Variants in NXPH2 observed in about 807,000 individuals in gnomAD.
NXPH2 encodes the protein neurexophilin-2.
In NXPH2, 5 loss-of-function variants were observed where a neutral mutation model predicts 19.8. The observed-to-expected ratio is 0.25, with a 90% CI of 0.13 to 0.53. The LOEUF (loss-of-function observed/expected upper bound fraction) is 0.53, where lower values mean the gene tolerates loss of function less well. Among genes scored for constraint, NXPH2 ranks in the 20% least tolerant of loss-of-function variants. The probability of loss-of-function intolerance (pLI) is 0.96; values close to 1 mark genes in which losing one functional copy is unlikely to be tolerated. For missense variants in NXPH2, 289 were observed against 322.8 expected (o/e 0.90, Z 0.80); for synonymous variants, 154 against 127.4 (o/e 1.21, Z -1.41).
intron 1 of NXPH2, among the ~76,000 whole-genome samples, chr2:138,739,787 T>C (rs1681614604): frequency 6.6e-6 from 1 of 152,106 alleles, no homozygotes; most frequent in Non-Finnish European, 1.5e-5. Context: ...TGAAGTAAGG[T>C]CTGTATGGTT....
chr2:138,778,163 T>C (rs1227374295), intron 1 of NXPH2, among the ~76,000 whole-genome samples: 1 of 152,204 alleles, frequency 6.6e-6, no homozygotes, highest in Non-Finnish European at 1.5e-5. Flanking sequence ...TGGCAACAGC[T>C]CTAAGAATGT....
At chr2:138,743,603 A>C (rs1681677763) in intron 1 of NXPH2, among the ~76,000 whole-genome samples, 1 of 152,206 alleles carries the variant, frequency 6.6e-6, no homozygotes, top group African/African-American at 2.4e-5. Context: ...ACTAGATAGC[A>C]GTGATGATGA....
rs1682333136 is a variant in NXPH2 at position 138,780,303 on chromosome 2, A to T, written c.-62T>A. The T allele has an allele frequency of 7.5e-7, 1 of 1,340,770 alleles. No homozygotes were observed. Among genetic ancestry groups the T allele is most frequent in the Non-Finnish European group, 9.7e-7 (1 of 1,035,882 alleles). 83.1% of individuals were successfully genotyped at this position (1,340,770 alleles called of 1,614,324 possible). A position where few individuals can be genotyped will look rare whatever the true frequency, so the allele number is the denominator to read the frequency against. On this transcript the variant is annotated 5_prime_UTR_variant, in exon 1 of 2. Transcript: ENST00000272641. The stretch of plus-strand genomic sequence containing the variant: ...CCTCGCCTGCCTCTCGCGCATCTCC[A>T]CTTCGCGGGGCAGGACTGAGGACGC...
At chr2:138,701,391 AAT>A (rs1038431844) in intron 1 of NXPH2, among the ~76,000 whole-genome samples, 66 of 152,338 alleles carry the variant, frequency 4.3e-4, no homozygotes, top group African/African-American at 1.6e-3. Flanking sequence ...TTAGAAAAGA[AAT>A]AGGAATACAA....
At chr2:138,766,943 G>A (rs2104842044) in intron 1 of NXPH2, among the ~76,000 whole-genome samples, 1 of 152,122 alleles carries the variant, frequency 6.6e-6, no homozygotes, top group African/African-American at 2.4e-5. Flanking sequence ...TCCAGTATTT[G>A]GTAACTTTTA....
chr2:138,697,973 A>G (rs1432331287), intron 1 of NXPH2, among the ~76,000 whole-genome samples: 1 of 152,138 alleles, frequency 6.6e-6, no homozygotes, highest in Non-Finnish European at 1.5e-5. Flanking sequence ...AATATAAATT[A>G]GTAAAGCATT....
chr2:138,743,230 A>T (rs145074950), intron 1 of NXPH2, among the ~76,000 whole-genome samples: 1 of 151,808 alleles, frequency 6.6e-6, no homozygotes, highest in East Asian at 1.9e-4. Flanking sequence ...TCTGGAAGTC[A>T]CAGTCACCCG....
chr2:138,735,484 A>G, intron 1 of NXPH2, among the ~76,000 whole-genome samples: 1 of 152,172 alleles, frequency 6.6e-6, no homozygotes, highest in East Asian at 1.9e-4. Context: ...CTTATTCACT[A>G]TCACAAGAAC....
At chr2:138,710,906 C>T (rs758419869) in intron 1 of NXPH2, among the ~76,000 whole-genome samples, 2 of 152,134 alleles carry the variant, frequency 1.3e-5, no homozygotes, top group Non-Finnish European at 2.9e-5. Flanking sequence ...CAGTCTCTCC[C>T]CGACCTTCCT....
chr2:138,693,868 T>C (rs1430688175), intron 1 of NXPH2, among the ~76,000 whole-genome samples: 1 of 152,164 alleles, frequency 6.6e-6, no homozygotes, highest in Non-Finnish European at 1.5e-5. Flanking sequence ...TTGAAGTCTG[T>C]TAAAGCAAAA....
chr2:138,759,391 C>A (rs1681966257), intron 1 of NXPH2, among the ~76,000 whole-genome samples: 2 of 151,374 alleles, frequency 1.3e-5, no homozygotes, highest in Admixed American at 1.3e-4. Flanking sequence ...ATTCTCTGCT[C>A]TTGGTCTATG....
intron 1 of NXPH2, among the ~76,000 whole-genome samples, chr2:138,722,728 G>A (rs1573966797): frequency 6.6e-6 from 1 of 152,340 alleles, no homozygotes; most frequent in South Asian, 2.1e-4. Flanking sequence ...TTAGAAGGTG[G>A]TGCTGATAGC....
rs1024891815 is a variant in NXPH2 at position 138,780,172 on chromosome 2, G to C, written c.51+19C>G. On this transcript the variant is annotated intron_variant, in intron 1 of 1. Transcript: ENST00000272641. ...ACGCGTCCCCGGCGTGTGGGACGGCGCGCGGGCCGGGCACTCACCAGCTGC... is the reference window on the plus strand; with the variant it reads ...ACGCGTCCCCGGCGTGTGGGACGGCCCGCGGGCCGGGCACTCACCAGCTGC... 3 of 1,483,696 alleles carry C rather than the reference G, an allele frequency of 2.0e-6. No homozygotes were observed. The Admixed American group carries it at 7.0e-5, about 34-fold the overall frequency. 91.9% of individuals were successfully genotyped at this position (1,483,696 alleles called of 1,614,324 possible).
intron 1 of NXPH2, among the ~76,000 whole-genome samples, chr2:138,726,187 C>T (rs998847401): frequency 2.6e-5 from 4 of 152,000 alleles, no homozygotes; most frequent in South Asian, 2.1e-4. Context: ...GGATTACATG[C>T]GCCTGCCACC....
intron 1 of NXPH2, among the ~76,000 whole-genome samples, chr2:138,764,193 C>T (rs533217532): frequency 1.3e-5 from 2 of 152,074 alleles, no homozygotes; most frequent in Admixed American, 1.3e-4. Context: ...AAGGCATTCC[C>T]CTTCCTGAGT....
intron 1 of NXPH2, among the ~76,000 whole-genome samples, chr2:138,779,975 G>C (rs561613240): frequency 6.6e-6 from 1 of 152,044 alleles, no homozygotes; most frequent in African/African-American, 2.4e-5. Flanking sequence ...GTCCCAACCC[G>C]TGCTAAGCCC....
intron 1 of NXPH2, among the ~76,000 whole-genome samples, chr2:138,725,291 T>G (rs1410185788): frequency 2.0e-5 from 3 of 152,236 alleles, no homozygotes; most frequent in Admixed American, 2.0e-4. Context: ...TTATGTTAAA[T>G]GGACACTGAG....
intron 1 of NXPH2, among the ~76,000 whole-genome samples, chr2:138,686,372 C>G (rs906216349): frequency 2.6e-5 from 4 of 152,130 alleles, no homozygotes; most frequent in Non-Finnish European, 5.9e-5. Context: ...GGAAGAGGCA[C>G]TGTCTCTCTC....
chr2:138,714,543 C>G (rs940579331), intron 1 of NXPH2, among the ~76,000 whole-genome samples: 6 of 152,102 alleles, frequency 3.9e-5, no homozygotes, highest in African/African-American at 1.4e-4. Flanking sequence ...CTGGACTCCT[C>G]TATCTAACAC....
Sources: allele counts gnomAD v4.1 joint callset (sites outside exome capture counted in the v4.1 genomes callset), GRCh38; gene constraint gnomAD v4.1.1; transcripts MANE v1.5; gene names NCBI Gene and HGNC (gene_info 2026-07-23, HGNC 2026-07-21).